The following DPF3 variants were observed in gnomAD, a reference collection of about 807,000 sequenced individuals.
DPF3 encodes double PHD fingers 3, also known as zinc finger protein DPF3.
DPF3 carries 18 observed loss-of-function variants against 56.8 expected under a neutral mutation model. The observed-to-expected ratio is 0.32, with a 90% CI of 0.22 to 0.47. The LOEUF (loss-of-function observed/expected upper bound fraction) is 0.47. Among genes scored for constraint, DPF3 ranks in the 20% least tolerant of loss-of-function variants. DPF3 has a pLI of 1.00. For missense variants in DPF3, 403 were observed against 488.8 expected (o/e 0.82, Z 1.65); for synonymous variants, 188 against 180.2 (o/e 1.04, Z -0.35).
chr14:72,838,906 T>TATATATATATATATATATATATGTATATA (rs375598670), intron 1 of DPF3, among the ~76,000 whole-genome samples: 1 of 87,764 alleles, frequency 1.1e-5, no homozygotes, highest in Non-Finnish European at 2.2e-5. Flanking sequence ...ATCATATATA[T>TATATATATATATATATATATATGTATATA]TCTTTTTTTT....
chr14:72,810,698 G>A (rs1047466690), intron 1 of DPF3, among the ~76,000 whole-genome samples: 13 of 152,114 alleles, frequency 8.5e-5, no homozygotes, highest in Admixed American at 7.2e-4. Context: ...CCCACATCAC[G>A]TTTCATCAGA....
intron 1 of DPF3, among the ~76,000 whole-genome samples, chr14:72,841,113 G>A (rs1884526955): frequency 1.3e-5 from 2 of 151,396 alleles, no homozygotes; most frequent in African/African-American, 2.4e-5. Context: ...GGAGCAGTGT[G>A]TGAAATAATA....
intron 3 of DPF3, among the ~76,000 whole-genome samples, chr14:72,737,997 T>C (rs1294790288): frequency 6.6e-6 from 1 of 152,158 alleles, no homozygotes; most frequent in Non-Finnish European, 1.5e-5. Flanking sequence ...AAGCTCATCA[T>C]ATTTCCTTGG....
intron 5 of DPF3, 134 bp downstream of exon 5, chr14:72,723,499 G>C: frequency 1.3e-6 from 1 of 784,662 alleles, no homozygotes; most frequent in Non-Finnish European, 2.0e-6. Context: ...AGCTCTTCTG[G>C]AGTTTTCTCC....
At position 72,887,739 on chromosome 14, in the gene DPF3, C is replaced by T. The variant is rs140774004; in HGVS notation, c.32+6318G>A. ...AGCTAGTTGCCTGTAGCTCTGGAAG[C>T]GGAGCTCAAGGCTTGGGATTCCTCT... On this transcript the variant is annotated intron_variant, in intron 1 of 10. Coordinates refer to ENST00000556509, the MANE Select transcript of DPF3 (RefSeq NM_001280542.3). Among the ~76,000 whole-genome samples, 116 of 152,232 alleles carry T rather than the reference C, an allele frequency of 7.6e-4. No individual in the cohort carries two copies. The East Asian group carries it at 0.017, about 22-fold the overall frequency.
intron 1 of DPF3, among the ~76,000 whole-genome samples, chr14:72,827,432 T>C (rs982409942): frequency 6.6e-6 from 1 of 150,604 alleles, no homozygotes; most frequent in South Asian, 2.1e-4. Flanking sequence ...TCTGGCCACC[T>C]GGGTTTTTCT....
chr14:72,635,510 A>G lies in DPF3; in HGVS notation c.872-5774T>C, dbSNP rs180828833. Among the ~76,000 whole-genome samples the G allele has an allele frequency of 6.8e-4, 104 of 152,324 alleles. 1 individual carries two copies. Among genetic ancestry groups the G allele is most frequent in the African/African-American group, 2.4e-3 (101 of 41,564 alleles). ...CAGGCAAAACTAGTGTTAGTTTCAT[A>G]TTCACAGCTGCCAATTTCTATGCAC... On this transcript the variant is annotated intron_variant, in intron 8 of 10. Transcript: ENST00000556509.
chr14:72,630,640 T>C (rs1885115000), intron 8 of DPF3, among the ~76,000 whole-genome samples: 1 of 152,190 alleles, frequency 6.6e-6, no homozygotes. Flanking sequence ...TGGCCTTCTA[T>C]GTGGCATGGA....
intron 8 of DPF3, among the ~76,000 whole-genome samples, chr14:72,641,789 G>C (rs1360927671): frequency 6.6e-6 from 1 of 152,246 alleles, no homozygotes; most frequent in Non-Finnish European, 1.5e-5. Context: ...CTTGAATGTA[G>C]ACTGGGTTTA....
chr14:72,703,369 C>T (rs572157188), intron 6 of DPF3, among the ~76,000 whole-genome samples: 3 of 152,242 alleles, frequency 2.0e-5, no homozygotes, highest in Admixed American at 2.0e-4. Flanking sequence ...ACTCCAGTGA[C>T]CCAAAAGTCC....
chr14:72,656,755 C>A (rs1356737347), intron 8 of DPF3, among the ~76,000 whole-genome samples: 1 of 152,146 alleles, frequency 6.6e-6, no homozygotes, highest in Non-Finnish European at 1.5e-5. Context: ...TTTCAGGAAA[C>A]TTGGAGGTAA....
chr14:72,780,130 C>T (rs1303133158), intron 1 of DPF3, among the ~76,000 whole-genome samples: 1 of 152,200 alleles, frequency 6.6e-6, no homozygotes, highest in African/African-American at 2.4e-5. Context: ...ACAGACAGCC[C>T]TACCCCTGAA....
rs141644987 is a variant in DPF3 at position 72,651,241 on chromosome 14, G to A, written c.872-21505C>T. Among the ~76,000 whole-genome samples the A allele has an allele frequency of 9.0e-3, 1,374 of 152,316 alleles. 15 individuals carry two copies. The highest frequency in any genetic ancestry group is 0.03 in the African/African-American group (1,258 of 41,548). On this transcript the variant is annotated intron_variant, in intron 8 of 10. Transcript: ENST00000556509. The stretch of plus-strand genomic sequence containing the variant: ...GTCTGGAATCTTGGCATCGTGCTCC[G>A]GGGCTGCTCCTTCTTCCTGTTCAGC...
intron 7 of DPF3, among the ~76,000 whole-genome samples, chr14:72,685,163 A>G (rs1329909337): frequency 1.3e-5 from 2 of 152,190 alleles, no homozygotes; most frequent in African/African-American, 2.4e-5. Flanking sequence ...AAAAGCCACA[A>G]TGCAGCATGA....
At chr14:72,875,859 C>G (rs1402437746) in intron 1 of DPF3, among the ~76,000 whole-genome samples, 4 of 152,162 alleles carry the variant, frequency 2.6e-5, no homozygotes, top group Non-Finnish European at 5.9e-5. Context: ...CAGAATAAAC[C>G]ACCCCGATCC....
At chr14:72,848,154 T>G (rs901412629) in intron 1 of DPF3, among the ~76,000 whole-genome samples, 7 of 152,170 alleles carry the variant, frequency 4.6e-5, no homozygotes, top group African/African-American at 1.4e-4. Context: ...TTAGCTTTTT[T>G]AATTTTTTTT....
intron 6 of DPF3, among the ~76,000 whole-genome samples, chr14:72,705,942 A>C (rs1350044300): frequency 1.3e-5 from 2 of 152,120 alleles, no homozygotes; most frequent in Non-Finnish European, 2.9e-5. Context: ...AGAGAGAGAA[A>C]AAAAAAGAGA....
chr14:72,841,943 G>A (rs775280996), intron 1 of DPF3, among the ~76,000 whole-genome samples: 5 of 151,918 alleles, frequency 3.3e-5, no homozygotes, highest in Non-Finnish European at 7.4e-5. Context: ...TTTGTAATTA[G>A]CTGGGTGTGG....
At chr14:72,821,161 G>A (rs527541065) in intron 1 of DPF3, among the ~76,000 whole-genome samples, 30 of 150,004 alleles carry the variant, frequency 2.0e-4, no homozygotes, top group African/African-American at 5.3e-4. Flanking sequence ...ATTAGCGGGC[G>A]TGGTGGCATG....
Sources: gnomAD v4.1 joint callset for allele counts (sites outside exome capture counted in the v4.1 genomes callset) on GRCh38, gnomAD v4.1.1 for gene constraint, MANE v1.5 for transcripts, NCBI Gene and HGNC (gene_info 2026-07-23, HGNC 2026-07-21) for gene names.